COL28A1: variants seen among roughly 807,000 people sequenced by gnomAD.
The protein encoded by COL28A1 is collagen alpha-1(XXVIII) chain.
COL28A1 carries 161 observed loss-of-function variants against 150.2 expected under a neutral mutation model. The observed-to-expected ratio is 1.07, with a 90% CI of 0.94 to 1.22. The LOEUF (loss-of-function observed/expected upper bound fraction) is 1.22, where lower values mean the gene tolerates loss of function less well. Ranked by LOEUF, COL28A1 falls within the 50% of genes most tolerant of loss-of-function variation. The pLI, the probability that COL28A1 is intolerant of heterozygous loss-of-function variation, is 0.00. For synonymous variants in COL28A1, 552 were observed against 469.7 expected (o/e 1.18, Z -2.26); for missense variants, 1,617 against 1,388.3 (o/e 1.16, Z -2.62).
intron 4 of COL28A1, among the ~76,000 whole-genome samples, chr7:7,523,315 C>T (rs1781842651): frequency 6.6e-6 from 1 of 151,754 alleles, no homozygotes; most frequent in South Asian, 2.1e-4. Context: ...GCACCATCAC[C>T]CCCAGCTAAC....
intron 25 of COL28A1, among the ~76,000 whole-genome samples, chr7:7,426,309 C>T (rs1413786191): frequency 6.6e-6 from 1 of 152,204 alleles, no homozygotes; most frequent in Non-Finnish European, 1.5e-5. Flanking sequence ...CCAACTACCA[C>T]AAACATAGGC....
At chr7:7,443,200 T>G (rs1472188238) in intron 20 of COL28A1, among the ~76,000 whole-genome samples, 1 of 152,218 alleles carries the variant, frequency 6.6e-6, no homozygotes, top group African/African-American at 2.4e-5. Context: ...TGCCAAGTTG[T>G]GAAGTGAAAT....
At chr7:7,508,733 G>A (rs1362694332) in intron 9 of COL28A1, among the ~76,000 whole-genome samples, 1 of 152,078 alleles carries the variant, frequency 6.6e-6, no homozygotes, top group Non-Finnish European at 1.5e-5. Context: ...CCAGGCTGGA[G>A]TAGCTCACTG....
At chr7:7,339,199 G>A in the COL28A1 span, among the ~76,000 whole-genome samples, 1 of 152,130 alleles carries the variant, frequency 6.6e-6, no homozygotes, top group Non-Finnish European at 1.5e-5. Flanking sequence ...TACACCCCAT[G>A]TCTACTTTCA....
intron 27 of COL28A1, among the ~76,000 whole-genome samples, chr7:7,404,410 ACC>A (rs1269513593): frequency 6.6e-6 from 1 of 151,932 alleles, no homozygotes; most frequent in Non-Finnish European, 1.5e-5. Flanking sequence ...AAAGCCAAGG[ACC>A]TAAGAAGGCC....
chr7:7,425,547 T>C (rs1784606902), intron 25 of COL28A1, among the ~76,000 whole-genome samples: 1 of 152,168 alleles, frequency 6.6e-6, no homozygotes, highest in African/African-American at 2.4e-5. Context: ...GGTTTTGCGG[T>C]TTACTCCAAT....
intron 11 of COL28A1, among the ~76,000 whole-genome samples, chr7:7,493,095 A>G: frequency 6.7e-6 from 1 of 148,896 alleles, no homozygotes; most frequent in Non-Finnish European, 1.5e-5. Context: ...CAATAATAAT[A>G]TCTACCCACT....
At chr7:7,524,541 T>G (rs577435123) in intron 3 of COL28A1, among the ~76,000 whole-genome samples, 62 of 152,326 alleles carry the variant, frequency 4.1e-4, no homozygotes, top group Admixed American at 1.4e-3. Flanking sequence ...CTCTGTAATC[T>G]CCATAATTTG....
intron 25 of COL28A1, among the ~76,000 whole-genome samples, chr7:7,422,537 G>A (rs181729678): frequency 6.6e-6 from 1 of 152,012 alleles, no homozygotes; most frequent in Non-Finnish European, 1.5e-5. Flanking sequence ...GCTGAGGCGG[G>A]AGAATCACTT....
chr7:7,372,895 T>C (rs1258618496), intron 32 of COL28A1, 103 bp downstream of exon 32: 8 of 900,506 alleles, frequency 8.9e-6, no homozygotes, highest in Non-Finnish European at 1.4e-5. Context: ...GCATAAGCCT[T>C]ATTAGCCTCC....
intron 25 of COL28A1, among the ~76,000 whole-genome samples, chr7:7,423,034 TA>T (rs1784461706): frequency 2.0e-5 from 3 of 152,240 alleles, no homozygotes; most frequent in Admixed American, 6.5e-5. Context: ...AGCAAATGGG[TA>T]AGACAAGCTT....
chr7:7,385,510 T>C (rs938575621), intron 27 of COL28A1, among the ~76,000 whole-genome samples: 1 of 152,226 alleles, frequency 6.6e-6, no homozygotes, highest in African/African-American at 2.4e-5. Context: ...ATGCCATACC[T>C]TTCTGACAAT....
chr7:7,501,954 G>A lies in COL28A1; in HGVS notation c.1026+4060C>T, dbSNP rs191365276. On this transcript the variant is annotated intron_variant, in intron 11 of 34. Transcript: ENST00000399429. ...TCTGTCACCCCAGCTGGAGTGCAGT[G>A]GTGCAATCTTGGCTCACAGCAACCT... Among the ~76,000 whole-genome samples the A allele has an allele frequency of 1.6e-3, 237 of 152,214 alleles. 1 individual carries two copies. The South Asian group carries it at 0.019, about 12-fold the overall frequency.
chr7:7,477,468 A>T (rs1363593223), intron 13 of COL28A1, among the ~76,000 whole-genome samples: 1 of 152,242 alleles, frequency 6.6e-6, no homozygotes, highest in African/African-American at 2.4e-5. Context: ...ATACGCAAAT[A>T]CTATGCCATT....
chr7:7,400,780 T>C (rs935758135), intron 27 of COL28A1, among the ~76,000 whole-genome samples: 4 of 152,182 alleles, frequency 2.6e-5, no homozygotes, highest in African/African-American at 9.7e-5. Flanking sequence ...GTATACTTTG[T>C]CTTCACTTCT....
Position 7,397,872 on chromosome 7 carries a change from C to A in COL28A1, c.2137-16260G>T, listed in dbSNP as rs184533105. ...TGAGCTCCATTCAAAACAAGTGCCT[C>A]CTACTCTCATCGCATAATGAAGAAT... On this transcript the variant is annotated intron_variant, in intron 27 of 34. Transcript: ENST00000399429. 2.4e-3 allele frequency among the ~76,000 whole-genome samples: 364 copies of A among 152,294 alleles called. 4 individuals carry two copies. The highest frequency in any genetic ancestry group is 2.2e-3 in the Non-Finnish European group (147 of 68,030).
chr7:7,542,297 C>T, the COL28A1 span, among the ~76,000 whole-genome samples: 1 of 152,126 alleles, frequency 6.6e-6, no homozygotes, highest in African/African-American at 2.4e-5. Flanking sequence ...CACCACTGCA[C>T]TCCGGCCTGG....
intron 25 of COL28A1, among the ~76,000 whole-genome samples, chr7:7,430,255 C>G (rs1051091924): frequency 2.6e-5 from 4 of 152,056 alleles, no homozygotes; most frequent in Admixed American, 2.6e-4. Flanking sequence ...GCCTCCTGAG[C>G]AGCTGGGATT....
Position 7,489,437 on chromosome 7 carries a change from TC to T in COL28A1, c.1115del (p.Gly372GlufsTer66). 1 of 1,442,934 alleles carries T rather than the reference TC, an allele frequency of 6.9e-7. No individual in the cohort carries two copies. Among genetic ancestry groups the T allele is most frequent in the Non-Finnish European group, 9.8e-7 (1 of 1,023,530 alleles). The allele number at this position is 1,442,934 out of a possible 1,614,324, so 89.4% of individuals were successfully genotyped here. ...CAATGGGTCCTGGAGCTCCCGGTCT[TC>T]CTTCTTGGCCTCTTTCTCCCTAAGA... ...QGIKGERGQE[G>X]RPGAPGPIGV... is the part of the protein sequence containing the mutation. On this transcript the variant is annotated frameshift_variant, in exon 13 of 35. Transcript: ENST00000399429. LOFTEE classifies it high-confidence loss of function.
Sources: gnomAD v4.1 joint callset for allele counts (sites outside exome capture counted in the v4.1 genomes callset) on GRCh38, gnomAD v4.1.1 for gene constraint, MANE v1.5 for transcripts, NCBI Gene and HGNC (gene_info 2026-07-23, HGNC 2026-07-21) for gene names.